TAF1B: variants seen among roughly 807,000 people sequenced by gnomAD.
TAF1B encodes the protein TATA-box binding protein associated factor, RNA polymerase I subunit B, also known as TATA box-binding protein-associated factor RNA polymerase I subunit B.
In TAF1B, 61 loss-of-function variants were observed where a neutral mutation model predicts 83.9. That is an observed-to-expected ratio of 0.73 (90% CI 0.59 to 0.90). TAF1B has a LOEUF of 0.90. Among genes scored for constraint, TAF1B ranks in the 40% least tolerant of loss-of-function variants. The pLI is 0.00. For missense variants in TAF1B, 625 were observed against 677.0 expected (o/e 0.92, Z 0.85); for synonymous variants, 221 against 224.6 (o/e 0.98, Z 0.14).
intron 5 of TAF1B, 60 bp downstream of exon 5, chr2:9,854,481 A>T: frequency 7.9e-7 from 1 of 1,271,684 alleles, no homozygotes; most frequent in Non-Finnish European, 1.1e-6. Flanking sequence ...GTAGAGATGA[A>T]GATGGGTTCA....
chr2:9,932,252 A>G (rs1267768872), intron 14 of TAF1B, among the ~76,000 whole-genome samples: 5 of 152,168 alleles, frequency 3.3e-5, no homozygotes, highest in African/African-American at 9.6e-5. Context: ...GAAGTGCTCC[A>G]GTTTTTAGAA....
intron 8 of TAF1B, among the ~76,000 whole-genome samples, chr2:9,887,774 C>A (rs1038445979): frequency 1.3e-5 from 2 of 152,082 alleles, no homozygotes; most frequent in Admixed American, 6.5e-5. Context: ...CTTGCTATTA[C>A]ATGTCTCATC....
intron 8 of TAF1B, among the ~76,000 whole-genome samples, chr2:9,899,693 ATT>A (rs1558257053): frequency 2.2e-5 from 2 of 92,422 alleles, no homozygotes; most frequent in Non-Finnish European, 6.0e-5. Flanking sequence ...AAAGTAATGT[ATT>A]CAGAATTAGA....
intron 8 of TAF1B, among the ~76,000 whole-genome samples, chr2:9,888,934 T>C (rs446907): frequency 0.94 from 141,863 of 150,946 alleles, 67,290 homozygotes; most frequent in East Asian, 1. Context: ...CTCCTGAGTA[T>C]CTGGGATTAC....
At chr2:9,899,065 T>A (rs933922492) in intron 8 of TAF1B, among the ~76,000 whole-genome samples, 1 of 152,176 alleles carries the variant, frequency 6.6e-6, no homozygotes. Flanking sequence ...TGGTATTAAG[T>A]GTATTTATAT....
intron 5 of TAF1B, among the ~76,000 whole-genome samples, chr2:9,863,040 C>T (rs539882393): frequency 4.6e-5 from 7 of 152,258 alleles, no homozygotes; most frequent in East Asian, 1.9e-4. Context: ...CATCAACTAA[C>T]GAGCAAAATA....
At chr2:9,868,169 A>T in intron 5 of TAF1B, 107 bp from the exon 6 acceptor site, 1 of 1,163,292 alleles carries the variant, frequency 8.6e-7, no homozygotes. Context: ...GCAGTTTTCT[A>T]GAGTGGTTTC....
Position 9,919,081 on chromosome 2 carries a change from G to A in TAF1B, c.1312G>A (p.Val438Ile), listed in dbSNP as rs1471738098. 1 of 1,613,950 alleles carries A rather than the reference G, an allele frequency of 6.2e-7. No individual in the cohort carries two copies. The highest frequency in any genetic ancestry group is 1.1e-5 in the South Asian group (1 of 91,082). ...TGAAAAGCCACTCTACTACTCATTTGTCGACAAACCAGTAGCATATAAAAA... is the reference window on the plus strand; with the variant it reads ...TGAAAAGCCACTCTACTACTCATTTATCGACAAACCAGTAGCATATAAAAA... ...KSEKPLYYSF[V>I]DKPVAYKKRE... The change falls in exon 13 of 15, where the codon GTC (valine) becomes ATC (isoleucine). Residue 438 changes from valine to isoleucine, a missense_variant. Transcript: ENST00000263663.
rs57261740 is a variant in TAF1B at position 9,908,028 on chromosome 2, C to CTTT, written c.956-2675_956-2673dup. On this transcript the variant is annotated intron_variant, in intron 9 of 14. Coordinates refer to ENST00000263663, the MANE Select transcript of TAF1B (RefSeq NM_005680.3). ...AGCGGAGCAGTTCAAGATCTTAATT[C>CTTT]TTTTTTTTTTTTTTTTTTTTTTTTT... is the stretch of plus-strand genomic sequence containing the variant. 5.1e-3 allele frequency among the ~76,000 whole-genome samples: 369 copies of CTTT among 71,738 alleles called. 60 individuals are homozygous for CTTT. The highest frequency in any genetic ancestry group is 0.011 in the African/African-American group (140 of 12,700). The allele number at this position is 71,738 out of a possible 152,430, so 47.1% of individuals were successfully genotyped here.
At chr2:9,854,899 G>A (rs1033820197) in intron 5 of TAF1B, among the ~76,000 whole-genome samples, 22 of 152,092 alleles carry the variant, frequency 1.4e-4, no homozygotes, top group African/African-American at 2.4e-5. Context: ...CAGTTTCTTT[G>A]TAACTGCTTT....
At chr2:9,877,801 G>A (rs1159852613) in intron 7 of TAF1B, among the ~76,000 whole-genome samples, 1 of 152,064 alleles carries the variant, frequency 6.6e-6, no homozygotes, top group Non-Finnish European at 1.5e-5. Flanking sequence ...TGGAATAATA[G>A]GGGTAAGATA....
At chr2:9,912,507 A>G (rs1003394390) in intron 11 of TAF1B, among the ~76,000 whole-genome samples, 3 of 152,232 alleles carry the variant, frequency 2.0e-5, no homozygotes, top group Admixed American at 6.5e-5. Flanking sequence ...GTTGGCTTCT[A>G]TGTAGAGTGA....
At chr2:9,855,060 T>C (rs1187156778) in intron 5 of TAF1B, among the ~76,000 whole-genome samples, 2 of 152,190 alleles carry the variant, frequency 1.3e-5, no homozygotes, top group African/African-American at 4.8e-5. Flanking sequence ...AATGGCGCCA[T>C]CTTGGCTCAC....
chr2:9,889,378 C>G (rs1267281154), intron 8 of TAF1B, among the ~76,000 whole-genome samples: 1 of 152,028 alleles, frequency 6.6e-6, no homozygotes, highest in Non-Finnish European at 1.5e-5. Flanking sequence ...TCTAATGTGT[C>G]ATTAAACCCA....
chr2:9,916,612 T>C (rs1420519626), intron 12 of TAF1B, among the ~76,000 whole-genome samples: 2 of 152,224 alleles, frequency 1.3e-5, no homozygotes, highest in Non-Finnish European at 2.9e-5. Flanking sequence ...AACTTCTTTA[T>C]CCTTTGAGAT....
At chr2:9,902,917 T>C (rs1420500078) in intron 8 of TAF1B, among the ~76,000 whole-genome samples, 1 of 152,220 alleles carries the variant, frequency 6.6e-6, no homozygotes, top group Non-Finnish European at 1.5e-5. Flanking sequence ...ACATGTGTGT[T>C]GTACTATAGT....
At chr2:9,867,900 A>T (rs944459182) in intron 5 of TAF1B, among the ~76,000 whole-genome samples, 5 of 152,218 alleles carry the variant, frequency 3.3e-5, no homozygotes, top group Non-Finnish European at 7.3e-5. Context: ...ACCAGAATTA[A>T]CAAAGATACA....
chr2:9,869,406 G>A (rs780084611), intron 6 of TAF1B, among the ~76,000 whole-genome samples: 1 of 151,674 alleles, frequency 6.6e-6, no homozygotes, highest in Non-Finnish European at 1.5e-5. Flanking sequence ...TGTATTTTTA[G>A]TAGAGATGGG....
chr2:9,891,032 C>T (rs112893290), intron 8 of TAF1B, among the ~76,000 whole-genome samples: 42,433 of 152,108 alleles, frequency 0.28, 6,899 homozygotes, highest in Middle Eastern at 0.4. Context: ...TCAGCCTCCC[C>T]AAGTGCTGGG....
Sources: allele counts gnomAD v4.1 joint callset (sites outside exome capture counted in the v4.1 genomes callset), GRCh38; gene constraint gnomAD v4.1.1; transcripts MANE v1.5; gene names NCBI Gene and HGNC (gene_info 2026-07-23, HGNC 2026-07-21).